Variants in LHFPL2 observed in about 807,000 individuals in gnomAD.
LHFPL2 encodes the protein LHFPL tetraspan subfamily member 2.
In LHFPL2, 7 loss-of-function variants were observed where a neutral mutation model predicts 17.5. The observed-to-expected ratio is 0.40, with a 90% CI of 0.23 to 0.75. The LOEUF (loss-of-function observed/expected upper bound fraction) is 0.75, where lower values mean the gene tolerates loss of function less well. Ranked by LOEUF, LHFPL2 falls within the 30% of genes least tolerant of loss-of-function variation. The pLI, the probability that LHFPL2 is intolerant of heterozygous loss-of-function variation, is 0.37. For synonymous variants in LHFPL2, 134 were observed against 116.2 expected (o/e 1.15, Z -0.99); for missense variants, 241 against 294.8 (o/e 0.82, Z 1.34).
At chr5:78,521,052 T>C (rs1411303622) in intron 3 of LHFPL2, among the ~76,000 whole-genome samples, 2 of 152,236 alleles carry the variant, frequency 1.3e-5, no homozygotes, top group Admixed American at 6.5e-5. Flanking sequence ...TTCTTATATA[T>C]GTCAAGAAAG....
In LHFPL2 at chr5:78,488,713, G is replaced by C; in HGVS notation, c.*184C>G. 1.6e-6 allele frequency: 1 copy of C among 643,606 alleles called. No individual in the cohort carries two copies. Among genetic ancestry groups the C allele is most frequent in the African/African-American group, 1.8e-5 (1 of 54,656 alleles). The allele number at this position is 643,606 out of a possible 1,614,324, so 39.9% of individuals were successfully genotyped here. A position where few individuals can be genotyped will look rare whatever the true frequency, so the allele number is the denominator to read the frequency against. On this transcript the variant is annotated 3_prime_UTR_variant, in exon 5 of 5. Coordinates refer to ENST00000380345, the MANE Select transcript of LHFPL2 (RefSeq NM_005779.3). ...TGTTCCATTCCTTATAATGTGCACT[G>C]CAGACCGCATGTCCAGTAACTTTGC... is the stretch of plus-strand genomic sequence containing the variant.
intron 2 of LHFPL2, among the ~76,000 whole-genome samples, chr5:78,611,258 C>T (rs938686884): frequency 2.0e-5 from 3 of 152,186 alleles, no homozygotes; most frequent in African/African-American, 7.2e-5. Context: ...AACTGTGGCC[C>T]AACTGCAGGG....
intron 3 of LHFPL2, among the ~76,000 whole-genome samples, chr5:78,557,635 G>C (rs1027015141): frequency 6.6e-6 from 1 of 152,160 alleles, no homozygotes; most frequent in Non-Finnish European, 1.5e-5. Flanking sequence ...TTAACAACAG[G>C]AAGTGTCCAC....
chr5:78,520,961 C>A (rs141402771), intron 3 of LHFPL2, among the ~76,000 whole-genome samples: 2 of 152,154 alleles, frequency 1.3e-5, no homozygotes, highest in African/African-American at 4.8e-5. Context: ...CTTGGAATCA[C>A]GAACAATTTG....
intron 2 of LHFPL2, among the ~76,000 whole-genome samples, chr5:78,595,923 G>A (rs1230035261): frequency 6.6e-6 from 1 of 152,144 alleles, no homozygotes; most frequent in African/African-American, 2.4e-5. Flanking sequence ...AAGCATTCTG[G>A]TAAAGGGGAG....
chr5:78,628,035 G>A (rs1411794479), intron 2 of LHFPL2, among the ~76,000 whole-genome samples: 1 of 152,110 alleles, frequency 6.6e-6, no homozygotes. Context: ...ACTGTGGCAG[G>A]AGACACCATC....
At chr5:78,591,959 T>A (rs932903574) in intron 2 of LHFPL2, among the ~76,000 whole-genome samples, 2 of 152,226 alleles carry the variant, frequency 1.3e-5, no homozygotes, top group Admixed American at 6.5e-5. Context: ...TGAGAACTGA[T>A]TCCTAGAGAC....
At chr5:78,523,706 G>A (rs1755531615) in intron 3 of LHFPL2, among the ~76,000 whole-genome samples, 1 of 152,136 alleles carries the variant, frequency 6.6e-6, no homozygotes. Context: ...AAGAAGTAAT[G>A]AGTCCAGCAG....
At chr5:78,636,594 C>A (rs1042925993) in intron 1 of LHFPL2, among the ~76,000 whole-genome samples, 3 of 152,188 alleles carry the variant, frequency 2.0e-5, no homozygotes, top group Non-Finnish European at 4.4e-5. Context: ...GAGGATGGGG[C>A]CCCTTCTTCA....
At chr5:78,516,521 A>G (rs1049631365) in intron 3 of LHFPL2, among the ~76,000 whole-genome samples, 2 of 152,150 alleles carry the variant, frequency 1.3e-5, no homozygotes, top group African/African-American at 4.8e-5. Flanking sequence ...ACCTGGCCCC[A>G]AATGTCAGTA....
intron 4 of LHFPL2, among the ~76,000 whole-genome samples, chr5:78,505,946 T>C (rs897721887): frequency 6.6e-6 from 1 of 152,268 alleles, no homozygotes; most frequent in African/African-American, 2.4e-5. Context: ...GGTCCGTGTT[T>C]CACAGGCACA....
chr5:78,549,820 A>G (rs1756389022), intron 3 of LHFPL2, among the ~76,000 whole-genome samples: 1 of 152,226 alleles, frequency 6.6e-6, no homozygotes, highest in East Asian at 1.9e-4. Flanking sequence ...CAATATGTGG[A>G]AGTAGCACAC....
chr5:78,509,596 CAGGGGAAAGAGA>C lies in LHFPL2; in HGVS notation c.430+176_430+187del, dbSNP rs552219698. On this transcript the variant is annotated intron_variant, in intron 4 of 4. Transcript: ENST00000380345. ...AAGCCTGTCTTCCTGTGGGGTAAGACAGGGGAAAGAGACCCATGCGAGCAGCACACAAACGTC... is the reference window on the plus strand; with the variant it reads ...AAGCCTGTCTTCCTGTGGGGTAAGACCCCATGCGAGCAGCACACAAACGTC... Among the ~76,000 whole-genome samples the C allele has an allele frequency of 8.4e-4, 128 of 152,306 alleles. 1 individual carries two copies. Among genetic ancestry groups the C allele is most frequent in the African/African-American group, 2.9e-3 (122 of 41,554 alleles).
intron 2 of LHFPL2, among the ~76,000 whole-genome samples, chr5:78,573,809 T>A (rs944406926): frequency 6.6e-6 from 1 of 152,242 alleles, no homozygotes; most frequent in African/African-American, 2.4e-5. Context: ...TGTCCATTTT[T>A]AAATTGATTC....
chr5:78,647,635 C>G (rs1745930459), intron 1 of LHFPL2, among the ~76,000 whole-genome samples: 1 of 152,108 alleles, frequency 6.6e-6, no homozygotes, highest in Non-Finnish European at 1.5e-5. Context: ...CAGGAAATGG[C>G]CCGGGTGGAG....
chr5:78,604,107 A>C (rs552850324), intron 2 of LHFPL2, among the ~76,000 whole-genome samples: 2 of 152,348 alleles, frequency 1.3e-5, no homozygotes, highest in East Asian at 3.9e-4. Flanking sequence ...AAATTATAAT[A>C]ACACTAAATA....
At chr5:78,500,820 T>C (rs530504689) in intron 4 of LHFPL2, among the ~76,000 whole-genome samples, 1 of 152,336 alleles carries the variant, frequency 6.6e-6, no homozygotes, top group East Asian at 1.9e-4. Context: ...TGACCAGTTC[T>C]GAAGTGATTC....
At chr5:78,495,977 G>A (rs1017863200) in intron 4 of LHFPL2, among the ~76,000 whole-genome samples, 2 of 152,176 alleles carry the variant, frequency 1.3e-5, no homozygotes, top group South Asian at 2.1e-4. Context: ...GGACGCTCAC[G>A]CATCTGGGCA....
intron 2 of LHFPL2, among the ~76,000 whole-genome samples, chr5:78,610,182 C>T (rs1744369342): frequency 1.3e-5 from 2 of 152,136 alleles, no homozygotes; most frequent in Admixed American, 1.3e-4. Context: ...TGCTGACACC[C>T]ACGCCACACT....
Sources: allele counts gnomAD v4.1 joint callset (sites outside exome capture counted in the v4.1 genomes callset), GRCh38; gene constraint gnomAD v4.1.1; transcripts MANE v1.5; gene names NCBI Gene and HGNC (gene_info 2026-07-23, HGNC 2026-07-21).